CABCOCO1: variants seen among roughly 807,000 people sequenced by gnomAD.
The protein encoded by CABCOCO1 is ciliary-associated calcium-binding coiled-coil protein 1.
CABCOCO1 carries 28 observed loss-of-function variants against 35.7 expected under a neutral mutation model. That is an observed-to-expected ratio of 0.78 (90% CI 0.58 to 1.07). CABCOCO1 has a LOEUF of 1.07. CABCOCO1 is among the 50% of genes least tolerant of loss of function. The pLI is 0.00. For synonymous variants in CABCOCO1, 95 were observed against 100.1 expected, an observed-to-expected ratio of 0.95 and a Z score of 0.30; for missense variants, 326 against 309.2, an observed-to-expected ratio of 1.05 and a Z score of -0.41.
intron 5 of CABCOCO1, among the ~76,000 whole-genome samples, chr10:61,726,534 A>T (rs982413033): frequency 3.3e-5 from 5 of 152,018 alleles, no homozygotes; most frequent in African/African-American, 9.6e-5. Context: ...GTTTTTTTTT[A>T]AATATTTTTA....
chr10:61,676,228 A>G (rs1038144858), intron 2 of CABCOCO1, among the ~76,000 whole-genome samples: 1 of 152,224 alleles, frequency 6.6e-6, no homozygotes, highest in Non-Finnish European at 1.5e-5. Context: ...TACAGTATTC[A>G]TGTGGTCTTA....
chr10:61,704,035 G>T (rs1180180643), intron 5 of CABCOCO1, among the ~76,000 whole-genome samples: 1 of 151,816 alleles, frequency 6.6e-6, no homozygotes, highest in African/African-American at 2.4e-5. Context: ...GGCCAACATG[G>T]TGAAACCCCC....
intron 5 of CABCOCO1, among the ~76,000 whole-genome samples, chr10:61,747,982 C>G (rs1841700266): frequency 6.6e-6 from 1 of 152,134 alleles, no homozygotes. Context: ...TCCTAATATT[C>G]CAGTTTTATC....
chr10:61,719,790 A>G (rs10740049), intron 5 of CABCOCO1, among the ~76,000 whole-genome samples: 136,802 of 151,764 alleles, frequency 0.9, 61,822 homozygotes, highest in Middle Eastern at 0.94. Flanking sequence ...GTGTGGTGAC[A>G]GGCACCTGTA....
chr10:61,765,559 C>A (rs554040137), intron 7 of CABCOCO1, among the ~76,000 whole-genome samples: 21 of 152,314 alleles, frequency 1.4e-4, no homozygotes, highest in Middle Eastern at 6.8e-3. Flanking sequence ...CACAGACATC[C>A]ATTGCAGATG....
At chr10:61,721,163 A>G (rs1841010313) in intron 5 of CABCOCO1, among the ~76,000 whole-genome samples, 1 of 151,490 alleles carries the variant, frequency 6.6e-6, no homozygotes, top group East Asian at 1.9e-4. Context: ...TGACCTCATG[A>G]TCCACCCGTC....
intron 5 of CABCOCO1, among the ~76,000 whole-genome samples, chr10:61,725,843 G>A (rs1167601801): frequency 6.6e-6 from 1 of 151,956 alleles, no homozygotes; most frequent in East Asian, 1.9e-4. Flanking sequence ...TGGATGAAGT[G>A]AGTCATGAAA....
At chr10:61,666,758 G>A (rs1057335233) in intron 1 of CABCOCO1, among the ~76,000 whole-genome samples, 3 of 151,420 alleles carry the variant, frequency 2.0e-5, no homozygotes, top group Admixed American at 6.6e-5. Flanking sequence ...TACTGATTAT[G>A]TCAGCTTCAT....
At chr10:61,668,327 C>A (rs1235261380) in intron 1 of CABCOCO1, among the ~76,000 whole-genome samples, 1 of 151,644 alleles carries the variant, frequency 6.6e-6, no homozygotes, top group Admixed American at 6.6e-5. Context: ...TTTGTTAGTT[C>A]AGGGTTTTGT....
In CABCOCO1 at chr10:61,662,961, G is replaced by C. The variant is rs1299557873; in HGVS notation, c.-12G>C. 7.6e-6 allele frequency: 3 copies of C among 392,716 alleles called. No homozygotes were observed. Among genetic ancestry groups the C allele is most frequent in the South Asian group, 1.8e-5 (1 of 56,358 alleles). 24.3% of individuals were successfully genotyped at this position (392,716 alleles called of 1,614,324 possible). On this transcript the variant is annotated 5_prime_UTR_variant, in exon 1 of 8. Transcript: ENST00000648843. ...TGACGAGGGGCCGCTTCTCTCGGCC[G>C]AGATTGCGGCGATGTCGCAGGGGAC...
At chr10:61,690,781 A>T (rs1252828459) in intron 5 of CABCOCO1, among the ~76,000 whole-genome samples, 160 bp downstream of exon 5, 1 of 152,164 alleles carries the variant, frequency 6.6e-6, no homozygotes, top group Non-Finnish European at 1.5e-5. Context: ...ATATAAAGTG[A>T]TCGTTGCATT....
chr10:61,671,987 A>G (rs1166251223), intron 1 of CABCOCO1, among the ~76,000 whole-genome samples: 1 of 152,208 alleles, frequency 6.6e-6, no homozygotes, highest in African/African-American at 2.4e-5. Flanking sequence ...TTCCAATGCT[A>G]ACTTCCACCT....
chr10:61,686,205 A>T lies in CABCOCO1; in HGVS notation c.479+20A>T. On this transcript the variant is annotated intron_variant, in intron 4 of 7. Coordinates refer to ENST00000648843, the MANE Select transcript of CABCOCO1 (RefSeq NM_001366906.2). Reference sequence around the variant, plus strand: ...AATCAGGTATGGATTATTTTCAGTAACATTTATTTTTCATTTCACATCTTC... The same window carrying T: ...AATCAGGTATGGATTATTTTCAGTATCATTTATTTTTCATTTCACATCTTC... 1 of 1,508,534 alleles carries T rather than the reference A, an allele frequency of 6.6e-7. No individual in the cohort carries two copies. 93.4% of individuals were successfully genotyped at this position (1,508,534 alleles called of 1,614,324 possible).
chr10:61,726,551 G>A (rs1421785903), intron 5 of CABCOCO1, among the ~76,000 whole-genome samples: 1 of 151,702 alleles, frequency 6.6e-6, no homozygotes, highest in Admixed American at 6.6e-5. Flanking sequence ...TTTACTACTT[G>A]TATTGCTTGA....
chr10:61,691,652 C>G (rs1233601016), intron 5 of CABCOCO1, among the ~76,000 whole-genome samples: 1 of 151,964 alleles, frequency 6.6e-6, no homozygotes, highest in Non-Finnish European at 1.5e-5. Context: ...TTGCCCCCCA[C>G]TCCCCAACAG....
chr10:61,735,543 G>C (rs909157019), intron 5 of CABCOCO1, among the ~76,000 whole-genome samples: 1 of 152,036 alleles, frequency 6.6e-6, no homozygotes, highest in Non-Finnish European at 1.5e-5. Flanking sequence ...AAAGACGAGG[G>C]CCTTGCCTTC....
intron 4 of CABCOCO1, 136 bp downstream of exon 4, chr10:61,686,321 T>C: frequency 1.5e-6 from 1 of 646,978 alleles, no homozygotes; most frequent in African/African-American, 1.9e-5. Context: ...AATCAATAAT[T>C]AGGTACTTAA....
intron 2 of CABCOCO1, among the ~76,000 whole-genome samples, chr10:61,677,344 T>A (rs1387394769): frequency 1.3e-5 from 2 of 152,132 alleles, no homozygotes; most frequent in African/African-American, 4.8e-5. Flanking sequence ...TACTTTAGAT[T>A]CTTAACCAAT....
At chr10:61,708,399 A>G (rs1840645466) in intron 5 of CABCOCO1, among the ~76,000 whole-genome samples, 1 of 152,034 alleles carries the variant, frequency 6.6e-6, no homozygotes, top group Admixed American at 6.6e-5. Flanking sequence ...AATTGAGATG[A>G]CATCTCTCTC....
Sources: allele counts gnomAD v4.1 joint callset (sites outside exome capture counted in the v4.1 genomes callset), GRCh38; gene constraint gnomAD v4.1.1; transcripts MANE v1.5; gene names NCBI Gene and HGNC (gene_info 2026-07-23, HGNC 2026-07-21).